The following DNAH11 variants were observed in gnomAD, a reference collection of about 807,000 sequenced individuals.
The protein encoded by DNAH11 is dynein axonemal heavy chain 11.
In DNAH11, 442 loss-of-function variants were observed where a neutral mutation model predicts 526.0. That is an observed-to-expected ratio of 0.84 (90% confidence interval 0.78 to 0.91). The LOEUF is 0.91. DNAH11 is among the 40% of genes least tolerant of loss of function. The probability of loss-of-function intolerance (pLI) is 0.00; values close to 1 mark genes in which losing one functional copy is unlikely to be tolerated. For synonymous variants in DNAH11, 2,461 were observed against 1,935.9 expected (o/e 1.27, Z -7.12); for missense variants, 6,989 against 5,448.7 (o/e 1.28, Z -8.90).
chr7:21,894,899 T>C lies in DNAH11; in HGVS notation c.12949T>C (p.Ser4317Pro). 6.2e-7 allele frequency: 1 copy of C among 1,613,996 alleles called. No individual in the cohort carries two copies. The highest frequency in any genetic ancestry group is 8.5e-7 in the Non-Finnish European group (1 of 1,179,886). Reference sequence around the variant, plus strand: ...TCCATGCAAGGGGGAATTGGCATTATCTCCTGCTGTGGAAGCCCAGCAGTT... The same window carrying C: ...TCCATGCAAGGGGGAATTGGCATTACCTCCTGCTGTGGAAGCCCAGCAGTT... ...DLSLKGELAL[S>P]PAVEAQQFAL... Residue 4317 changes from serine (S) to proline (P), a missense_variant, in exon 79 of 82, where the codon TCT becomes CCT. Transcript: ENST00000409508.
intron 66 of DNAH11, among the ~76,000 whole-genome samples, chr7:21,848,230 A>G (rs1287825928): frequency 6.6e-6 from 1 of 150,754 alleles, no homozygotes; most frequent in African/African-American, 2.4e-5. Flanking sequence ...TATGTAATGC[A>G]CTTCTTTGTT....
At chr7:21,835,902 A>C (rs1328426615) in intron 65 of DNAH11, among the ~76,000 whole-genome samples, 1 of 152,116 alleles carries the variant, frequency 6.6e-6, no homozygotes, top group Non-Finnish European at 1.5e-5. Context: ...CTAATAAACA[A>C]ATTCAGTAAA....
intron 31 of DNAH11, among the ~76,000 whole-genome samples, chr7:21,682,442 T>C (rs1166552872): frequency 6.8e-6 from 1 of 146,266 alleles, no homozygotes; most frequent in Non-Finnish European, 1.5e-5. Context: ...GGGAGAATGG[T>C]GTGAACCCAG....
chr7:21,621,210 T>G (rs556777458), intron 25 of DNAH11, among the ~76,000 whole-genome samples: 158 of 152,206 alleles, frequency 1.0e-3, no homozygotes, highest in African/African-American at 3.5e-3. Context: ...GCAAATAAAC[T>G]AGAAAATCTA....
intron 28 of DNAH11, among the ~76,000 whole-genome samples, chr7:21,641,793 C>G (rs1787142232): frequency 1.3e-5 from 2 of 152,300 alleles, no homozygotes; most frequent in South Asian, 4.1e-4. Context: ...GTCTCCTCAC[C>G]TACCCCATTC....
At chr7:21,670,513 C>G in intron 30 of DNAH11, among the ~76,000 whole-genome samples, 1 of 152,018 alleles carries the variant, frequency 6.6e-6, no homozygotes, top group East Asian at 1.9e-4. Flanking sequence ...CATTCTTTTT[C>G]TTTTTGTTCT....
intron 62 of DNAH11, among the ~76,000 whole-genome samples, chr7:21,805,134 G>T (rs1789204085): frequency 6.6e-6 from 1 of 152,074 alleles, no homozygotes; most frequent in Admixed American, 6.5e-5. Context: ...ACATAAAAGA[G>T]CCTTCATCCA....
rs190356039 is a variant in DNAH11, at chr7:21,684,915, T to C, written c.5621+971T>C. 1.2e-3 allele frequency among the ~76,000 whole-genome samples: 180 copies of C among 152,312 alleles called. 1 individual carries two copies. The highest frequency in any genetic ancestry group is 4.0e-3 in the African/African-American group (165 of 41,566). On this transcript the variant is annotated intron_variant, in intron 32 of 81. Coordinates refer to ENST00000409508, the MANE Select transcript of DNAH11 (RefSeq NM_001277115.2). ...GCATTCATGAAGCAGAAATCACACC[T>C]CAAGGTCATAGCTGCATGCCCAATT...
At chr7:21,725,335 AG>A (rs1201766412) in intron 44 of DNAH11, among the ~76,000 whole-genome samples, 4 of 152,202 alleles carry the variant, frequency 2.6e-5, no homozygotes, top group African/African-American at 9.7e-5. Context: ...TAGAGTTGCC[AG>A]TTGTTTACTT....
chr7:21,679,452 C>T (rs1279633442), intron 30 of DNAH11, among the ~76,000 whole-genome samples: 1 of 152,174 alleles, frequency 6.6e-6, no homozygotes, highest in Non-Finnish European at 1.5e-5. Flanking sequence ...GTAATAGTTT[C>T]ACAATGTATA....
chr7:21,851,371 T>A (rs1782630155), intron 66 of DNAH11: 1 of 301,978 alleles, frequency 3.3e-6, no homozygotes, highest in African/African-American at 2.2e-5. Context: ...GTCAATTAAA[T>A]CTCTTTTCTT....
At chr7:21,565,569 C>G (rs1783633376) in intron 6 of DNAH11, among the ~76,000 whole-genome samples, 1 of 152,196 alleles carries the variant, frequency 6.6e-6, no homozygotes, top group Admixed American at 6.5e-5. Context: ...TTTTTCATCT[C>G]TCTTCCCTCT....
At chr7:21,670,173 G>A (rs1010731103) in intron 30 of DNAH11, among the ~76,000 whole-genome samples, 1 of 152,156 alleles carries the variant, frequency 6.6e-6, no homozygotes, top group South Asian at 2.1e-4. Flanking sequence ...AGAACATGGT[G>A]TATCTCTTTA....
Position 21,864,441 on chromosome 7 carries a change from C to T in DNAH11, c.11374-94C>T, listed in dbSNP as rs769487577. 32 of 1,282,758 alleles carry T rather than the reference C, an allele frequency of 2.5e-5. No individual in the cohort carries two copies. The Admixed American group carries it at 6.6e-4, about 27-fold the overall frequency. 79.5% of individuals were successfully genotyped at this position (1,282,758 alleles called of 1,614,324 possible). Reference sequence around the variant, plus strand: ...GAGTTCCCAGCAGGTATGGTTCTGCCTACTCAGTCATGTCTGTTAAATGTG... The same window carrying T: ...GAGTTCCCAGCAGGTATGGTTCTGCTTACTCAGTCATGTCTGTTAAATGTG... On this transcript the variant is annotated intron_variant, in intron 69 of 81. Coordinates refer to ENST00000409508, the MANE Select transcript of DNAH11 (RefSeq NM_001277115.2).
chr7:21,551,156 T>C (rs560769480), intron 2 of DNAH11, among the ~76,000 whole-genome samples: 34 of 152,288 alleles, frequency 2.2e-4, no homozygotes, highest in African/African-American at 7.7e-4. Flanking sequence ...AAGTACCCAT[T>C]TGCCATCTTC....
Position 21,901,792 on chromosome 7 carries a change from C to CTTTTGTTCAGTCAAGTT in DNAH11, c.*541_*557dup, listed in dbSNP as rs536029936. 49 of 163,296 alleles carry CTTTTGTTCAGTCAAGTT rather than the reference C, an allele frequency of 3.0e-4. No individual in the cohort carries two copies. The South Asian group carries it at 4.1e-3, about 14-fold the overall frequency. The allele number at this position is 163,296 out of a possible 1,614,324, so 10.1% of individuals were successfully genotyped here. A position where few individuals can be genotyped will look rare whatever the true frequency, so the allele number is the denominator to read the frequency against. On this transcript the variant is annotated 3_prime_UTR_variant, in exon 82 of 82. Coordinates refer to ENST00000409508, the MANE Select transcript of DNAH11 (RefSeq NM_001277115.2). The stretch of plus-strand genomic sequence containing the variant: ...CAGTGTCTACAATGTTGATGGTCCC[C>CTTTTGTTCAGTCAAGTT]TTTTGTTCAGTCAAGTTTTAATAAA...
chr7:21,623,596 C>A (rs370962409), intron 25 of DNAH11, among the ~76,000 whole-genome samples: 33 of 151,938 alleles, frequency 2.2e-4, no homozygotes, highest in South Asian at 1.0e-3. Flanking sequence ...CTGGATTAAG[C>A]AAATGTGGCA....
At chr7:21,739,532 C>A in intron 47 of DNAH11, 39 bp from the exon 48 acceptor site, 1 of 1,551,996 alleles carries the variant, frequency 6.4e-7, no homozygotes, top group Non-Finnish European at 8.8e-7. Context: ...TTTGTCATCT[C>A]CAGTTTTTGG....
chr7:21,709,956 AT>A, intron 40 of DNAH11, among the ~76,000 whole-genome samples: 1 of 152,204 alleles, frequency 6.6e-6, no homozygotes, highest in Non-Finnish European at 1.5e-5. Flanking sequence ...ACTGTTAAAT[AT>A]GTCACATCAA....
Sources: allele counts gnomAD v4.1 joint callset (sites outside exome capture counted in the v4.1 genomes callset), GRCh38; gene constraint gnomAD v4.1.1; transcripts MANE v1.5; gene names NCBI Gene and HGNC (gene_info 2026-07-23, HGNC 2026-07-21).